The following CA9 variants were observed in gnomAD, a reference collection of about 807,000 sequenced individuals.
CA9 encodes CA-IX.
In CA9, 43 loss-of-function variants were observed where a neutral mutation model predicts 51.8. The ratio of observed to expected loss-of-function variants is 0.83; its 90% confidence interval spans 0.65 to 1.07. The LOEUF (loss-of-function observed/expected upper bound fraction) is 1.07. Among genes scored for constraint, CA9 ranks in the 50% least tolerant of loss-of-function variants. CA9 has a pLI of 0.00. For missense variants in CA9, 574 were observed against 581.4 expected (o/e 0.99, Z 0.13); for synonymous variants, 253 against 244.2 (o/e 1.04, Z -0.34).
chr9:35,676,352 G>T lies in CA9; in HGVS notation c.803G>T (p.Arg268Leu), dbSNP rs747577387. The change falls in exon 5 of 11, where the codon CGC becomes CTC. Residue 268 changes from arginine to leucine, a missense_variant. Coordinates refer to ENST00000378357, the MANE Select transcript of CA9 (RefSeq NM_001216.3). ...AFARVDEALG[R>L]PGGLAVLAAF... ...GCCAGAGTTGACGAGGCCTTGGGGCGCCCGGGAGGCCTGGCCGTGTTGGCC... is the reference window on the plus strand; with the variant it reads ...GCCAGAGTTGACGAGGCCTTGGGGCTCCCGGGAGGCCTGGCCGTGTTGGCC... The T allele has an allele frequency of 6.2e-7, 1 of 1,613,918 alleles. No individual in the cohort carries two copies. Among genetic ancestry groups the T allele is most frequent in the South Asian group, 1.1e-5 (1 of 91,070 alleles).
chr9:35,675,894 G>T lies in CA9; in HGVS notation c.567G>T (p.Pro189=), dbSNP rs377693403. 22 of 1,608,544 alleles carry T rather than the reference G, an allele frequency of 1.4e-5. No individual in the cohort carries two copies. The Admixed American group carries it at 3.7e-4, about 27-fold the overall frequency. Residue 189 remains proline, a synonymous_variant, in exon 3 of 11, where the codon CCG becomes CCT. Transcript: ENST00000378357. Reference sequence around the variant, plus strand: ...AACTCCTGGGCTTCCAGCTCCCGCCGCTCCCAGAACTGCGCCTGCGCAACA... The same window carrying T: ...AACTCCTGGGCTTCCAGCTCCCGCCTCTCCCAGAACTGCGCCTGCGCAACA... ...PLELLGFQLP[P]LPELRLRNNG... is the part of the protein sequence containing the mutation.
At chr9:35,676,024 C>G in intron 3 of CA9, 40 bp from the exon 4 acceptor site, 1 of 1,609,148 alleles carries the variant, frequency 6.2e-7, no homozygotes, top group Non-Finnish European at 8.5e-7. Flanking sequence ...TGGGCTGGCC[C>G]TACCGGGCGG....
intron 1 of CA9, 92 bp downstream of exon 1, chr9:35,674,454 A>AG (rs1824379044): frequency 1.6e-6 from 2 of 1,255,026 alleles, no homozygotes; most frequent in Non-Finnish European, 2.2e-6. Context: ...TCAGGGAAGG[A>AG]GGGGAGACTG....
chr9:35,680,329 T>C (rs1824516427), intron 9 of CA9, among the ~76,000 whole-genome samples, 190 bp downstream of exon 9: 2 of 152,132 alleles, frequency 1.3e-5, no homozygotes, highest in Admixed American at 1.3e-4. Flanking sequence ...AGAATGAAGC[T>C]TGAGAAATCT....
intron 5 of CA9, among the ~76,000 whole-genome samples, 169 bp downstream of exon 5, chr9:35,676,558 GC>G (rs1383430626): frequency 6.6e-6 from 1 of 152,196 alleles, no homozygotes; most frequent in African/African-American, 2.4e-5. Context: ...CCAGGCACCA[GC>G]CCCCAACAAG....
Position 35,681,108 on chromosome 9 carries a change from C to T in CA9, c.*83C>T. 9.4e-7 allele frequency: 1 copy of T among 1,058,564 alleles called. No individual in the cohort carries two copies. Among genetic ancestry groups the T allele is most frequent in the Non-Finnish European group, 1.3e-6 (1 of 747,242 alleles). The allele number at this position is 1,058,564 out of a possible 1,614,324, so 65.6% of individuals were successfully genotyped here. A position where few individuals can be genotyped will look rare whatever the true frequency, so the allele number is the denominator to read the frequency against. ...AACTGTCCTGTCCTGCTCATTATGC[C>T]ACTTCCTTTTAACTGCCAAGAAATT... is the stretch of plus-strand genomic sequence containing the variant. On this transcript the variant is annotated 3_prime_UTR_variant, in exon 11 of 11. Coordinates refer to ENST00000378357, the MANE Select transcript of CA9 (RefSeq NM_001216.3).
At chr9:35,674,422 C>G in intron 1 of CA9, 60 bp downstream of exon 1, 2 of 1,498,262 alleles carry the variant, frequency 1.3e-6, no homozygotes, top group South Asian at 2.6e-5. Flanking sequence ...CCCTCCCATA[C>G]CCCAGCCTAG....
In CA9 at chr9:35,679,325, A is replaced by T. The variant is rs1296101464; in HGVS notation, c.1048A>T (p.Met350Leu). The stretch of plus-strand genomic sequence containing the variant: ...CTGGACTGTGTTTAACCAGACAGTG[A>T]TGCTGAGTGCTAAGCAGGTGGGCCT... ...VIWTVFNQTV[M>L]LSAKQLHTLS... Residue 350 changes from methionine to leucine, a missense_variant, in exon 7 of 11, where the codon ATG (methionine) becomes TTG (leucine). Physicochemically the swap from Met to Leu is conservative, Grantham distance 15. Coordinates refer to ENST00000378357, the MANE Select transcript of CA9 (RefSeq NM_001216.3). The T allele has an allele frequency of 6.2e-7, 1 of 1,613,772 alleles. No individual in the cohort carries two copies. The highest frequency in any genetic ancestry group is 8.5e-7 in the Non-Finnish European group (1 of 1,179,914).
At chr9:35,680,534 G>A (rs1243870) in intron 9 of CA9, among the ~76,000 whole-genome samples, 11 of 152,204 alleles carry the variant, frequency 7.2e-5, no homozygotes, top group African/African-American at 2.2e-4. Flanking sequence ...GGCCCCAAAC[G>A]GCCCTTTTAC....
At chr9:35,676,239 G>C in intron 4 of CA9, 33 bp downstream of exon 4, 1 of 1,612,946 alleles carries the variant, frequency 6.2e-7, no homozygotes, top group Non-Finnish European at 8.5e-7. Context: ...AGGGGCAAAG[G>C]AGCGGGGCGG....
chr9:35,680,665 G>T, intron 9 of CA9, 88 bp from the exon 10 acceptor site: 1 of 1,057,730 alleles, frequency 9.5e-7, no homozygotes, highest in Non-Finnish European at 1.4e-6. Flanking sequence ...CTCGGGGCAG[G>T]GGTGGTGGAG....
chr9:35,679,219 T>C lies in CA9; in HGVS notation c.942T>C (p.Ser314=). 1 of 1,614,178 alleles carries C rather than the reference T, an allele frequency of 6.2e-7. No individual in the cohort carries two copies. Among genetic ancestry groups the C allele is most frequent in the Non-Finnish European group, 8.5e-7 (1 of 1,180,020 alleles). Residue 314 remains serine, a synonymous_variant, in exon 7 of 11, where the codon TCT becomes TCC. Coordinates refer to ENST00000378357, the MANE Select transcript of CA9 (RefSeq NM_001216.3). ...CTCAGGTCCCAGGACTGGACATATC[T>C]GCACTCCTGCCCTCTGACTTCAGCC... is the stretch of plus-strand genomic sequence containing the variant. ...SETQVPGLDI[S]ALLPSDFSRY...
At chr9:35,676,552 G>C (rs1456046492) in intron 5 of CA9, among the ~76,000 whole-genome samples, 163 bp downstream of exon 5, 1 of 152,180 alleles carries the variant, frequency 6.6e-6, no homozygotes, top group African/African-American at 2.4e-5. Flanking sequence ...TGTGAACCAG[G>C]CACCAGCCCC....
At chr9:35,678,433 G>A (rs1193251042) in intron 6 of CA9, among the ~76,000 whole-genome samples, 6 of 151,300 alleles carry the variant, frequency 4.0e-5, no homozygotes, top group Non-Finnish European at 7.4e-5. Context: ...GAATTGTCAA[G>A]GTCAAGTCTG....
intron 6 of CA9, 144 bp from the exon 7 acceptor site, chr9:35,679,041 T>C (rs1020622687): frequency 5.1e-6 from 4 of 785,920 alleles, no homozygotes; most frequent in Non-Finnish European, 6.1e-6. Context: ...GAGTTACGTC[T>C]TATGGGAAGG....
intron 9 of CA9, 198 bp from the exon 10 acceptor site, chr9:35,680,555 G>A (rs939959512): frequency 3.3e-6 from 2 of 602,406 alleles, no homozygotes; most frequent in African/African-American, 3.7e-5. Context: ...TTGGCTTTTA[G>A]GAAGCAAAAA....
At chr9:35,679,796 G>C (rs916944625) in intron 7 of CA9, 58 bp from the exon 8 acceptor site, 1 of 1,520,422 alleles carries the variant, frequency 6.6e-7, no homozygotes, top group African/African-American at 1.4e-5. Context: ...AGCTGGCCTG[G>C]GACCCTTGTT....
chr9:35,675,991 C>T (rs1447772333), intron 3 of CA9, 60 bp downstream of exon 3: 70 of 1,602,434 alleles, frequency 4.4e-5, no homozygotes, highest in African/African-American at 8.0e-5. Flanking sequence ...AGGGAACCGT[C>T]GCGGCAGTGC....
chr9:35,678,896 C>T (rs1280349287), intron 6 of CA9, among the ~76,000 whole-genome samples: 2 of 150,878 alleles, frequency 1.3e-5, no homozygotes, highest in Admixed American at 1.3e-4. Context: ...AGAGTGTAGA[C>T]TCAGACGGTC....
Sources: allele counts gnomAD v4.1 joint callset (sites outside exome capture counted in the v4.1 genomes callset), GRCh38; gene constraint gnomAD v4.1.1; transcripts MANE v1.5; gene names NCBI Gene and HGNC (gene_info 2026-07-23, HGNC 2026-07-21).